The following MTA3 variants were observed in gnomAD, a reference collection of about 807,000 sequenced individuals.
MTA3 encodes metastasis-associated protein MTA3.
Under a neutral mutation model 83.5 loss-of-function variants are expected in MTA3, and 34 were observed. The observed-to-expected ratio is 0.41, with a 90% confidence interval of 0.31 to 0.54. The LOEUF (loss-of-function observed/expected upper bound fraction) is 0.54, where lower values mean the gene tolerates loss of function less well. Ranked by LOEUF, MTA3 falls within the 20% of genes least tolerant of loss-of-function variation. The pLI is 0.33. For synonymous variants in MTA3, 303 were observed against 252.7 expected, an observed-to-expected ratio of 1.20 and a Z score of -1.89; for missense variants, 761 against 726.4, an observed-to-expected ratio of 1.05 and a Z score of -0.55.
intron 2 of MTA3, among the ~76,000 whole-genome samples, chr2:42,528,056 C>T (rs1212748357): frequency 1.3e-5 from 2 of 152,154 alleles, no homozygotes; most frequent in Non-Finnish European, 2.9e-5. Flanking sequence ...TCCCGAATAG[C>T]TGGGACTACA....
chr2:42,752,348 G>A, intron 16 of MTA3: 1 of 463,868 alleles, frequency 2.2e-6, no homozygotes, highest in South Asian at 1.6e-5. Context: ...AGGGTGATGT[G>A]CCTGGGGCAG....
chr2:42,662,764 C>T (rs1689846982), intron 8 of MTA3, among the ~76,000 whole-genome samples: 1 of 150,804 alleles, frequency 6.6e-6, no homozygotes, highest in Admixed American at 6.6e-5. Flanking sequence ...CAGAGTCTCG[C>T]CCTGTCGCCC....
chr2:42,520,916 G>A (rs1257867481), intron 2 of MTA3, among the ~76,000 whole-genome samples: 1 of 152,086 alleles, frequency 6.6e-6, no homozygotes, highest in Non-Finnish European at 1.5e-5. Context: ...CCCTACTGCT[G>A]ACCTCAAGTT....
intron 2 of MTA3, among the ~76,000 whole-genome samples, chr2:42,515,505 T>C (rs999902561): frequency 6.6e-6 from 1 of 152,054 alleles, no homozygotes; most frequent in African/African-American, 2.4e-5. Context: ...TATTTTATTT[T>C]ATTTTTTATT....
chr2:42,736,214 G>C (rs1488714154), intron 16 of MTA3, among the ~76,000 whole-genome samples: 1 of 152,182 alleles, frequency 6.6e-6, no homozygotes, highest in African/African-American at 2.4e-5. Context: ...TCTTGGGTAA[G>C]ATCTGGGAGA....
intron 4 of MTA3, among the ~76,000 whole-genome samples, chr2:42,634,080 T>C (rs1686954152): frequency 6.6e-6 from 1 of 152,104 alleles, no homozygotes; most frequent in Non-Finnish European, 1.5e-5. Flanking sequence ...GGTGCTACTG[T>C]CATCCACTGC....
chr2:42,525,629 T>A (rs140524503), intron 2 of MTA3, among the ~76,000 whole-genome samples: 3,637 of 99,436 alleles, frequency 0.037, 259 homozygotes, highest in Admixed American at 0.22. Context: ...CTTCCTACTT[T>A]CTTTCTTTCT....
chr2:42,533,747 G>A (rs1266353063), intron 2 of MTA3, among the ~76,000 whole-genome samples: 3 of 148,188 alleles, frequency 2.0e-5, no homozygotes, highest in Admixed American at 6.8e-5. Flanking sequence ...CAGGAGAATC[G>A]CTTGAACCCA....
At chr2:42,717,088 C>T (rs566030001) in intron 14 of MTA3, among the ~76,000 whole-genome samples, 78 of 137,140 alleles carry the variant, frequency 5.7e-4, no homozygotes, top group African/African-American at 2.0e-3. Context: ...TTAAAAAATG[C>T]TCTTTTGCCA....
intron 4 of MTA3, among the ~76,000 whole-genome samples, chr2:42,626,921 A>T (rs1017437991): frequency 6.6e-6 from 1 of 151,522 alleles, no homozygotes; most frequent in Non-Finnish European, 1.5e-5. Flanking sequence ...TTGTATTTGT[A>T]GTAGAGATTG....
chr2:42,620,409 C>G (rs530321979), intron 4 of MTA3, among the ~76,000 whole-genome samples: 1 of 152,068 alleles, frequency 6.6e-6, no homozygotes, highest in African/African-American at 2.4e-5. Flanking sequence ...AATGAGCTAC[C>G]GTGCCCTGCC....
At chr2:42,736,413 C>A (rs1400265862) in intron 16 of MTA3, among the ~76,000 whole-genome samples, 1 of 152,180 alleles carries the variant, frequency 6.6e-6, no homozygotes, top group Non-Finnish European at 1.5e-5. Context: ...GGGGCTCACC[C>A]AAGGCCTATG....
intron 16 of MTA3, among the ~76,000 whole-genome samples, chr2:42,745,567 G>T (rs188685109): frequency 6.6e-6 from 1 of 152,024 alleles, no homozygotes; most frequent in Admixed American, 6.6e-5. Context: ...TTACAGAGAT[G>T]GGGGCAGGGG....
intron 2 of MTA3, among the ~76,000 whole-genome samples, chr2:42,572,741 T>C (rs1167604002): frequency 6.6e-6 from 1 of 152,194 alleles, no homozygotes; most frequent in Non-Finnish European, 1.5e-5. Context: ...TTTTTTGTTT[T>C]TTGAGATGAA....
upstream of MTA3, among the ~76,000 whole-genome samples, chr2:42,566,618 G>C (rs1677921159): frequency 1.3e-5 from 2 of 152,084 alleles, no homozygotes; most frequent in Admixed American, 6.6e-5. Flanking sequence ...GAGTTTTCTC[G>C]GCATCTTTCA....
intron 4 of MTA3, chr2:42,613,699 T>C (rs1232897062): frequency 6.6e-6 from 1 of 152,200 alleles, no homozygotes; most frequent in Non-Finnish European, 1.5e-5. Flanking sequence ...GACTGAGGCA[T>C]TCTTGAGTTG....
chr2:42,719,153 T>C, intron 15 of MTA3, 79 bp downstream of exon 15: 3 of 1,026,074 alleles, frequency 2.9e-6, no homozygotes, highest in South Asian at 1.4e-5. Flanking sequence ...TAAATGGACA[T>C]ACCTAAACTA....
At chr2:42,589,287 A>G (rs1049345060) in intron 3 of MTA3, among the ~76,000 whole-genome samples, 1 of 152,198 alleles carries the variant, frequency 6.6e-6, no homozygotes, top group Non-Finnish European at 1.5e-5. Context: ...GATCATGTAC[A>G]TACTTAAATA....
At position 42,711,622 on chromosome 2, in the gene MTA3, A is replaced by C. The variant is rs1666617229; in HGVS notation, c.1525+2526A>C. Among the ~76,000 whole-genome samples, 2 of 152,074 alleles carry C rather than the reference A, an allele frequency of 1.3e-5. 1 individual carries two copies. Among genetic ancestry groups the C allele is most frequent in the South Asian group, 4.1e-4 (2 of 4,824 alleles). ...AGCAATGAACTTTTCCTAACATCTA[A>C]TTGATTATGCTATCATCTCTTCTGT... On this transcript the variant is annotated intron_variant, in intron 14 of 16. Transcript: ENST00000405094.
Sources: gnomAD v4.1 joint callset for allele counts (sites outside exome capture counted in the v4.1 genomes callset) on GRCh38, gnomAD v4.1.1 for gene constraint, MANE v1.5 for transcripts, NCBI Gene and HGNC (gene_info 2026-07-23, HGNC 2026-07-21) for gene names.